Variants in PREX1 observed in about 807,000 individuals in gnomAD.
The protein encoded by PREX1 is phosphatidylinositol-3,4,5-trisphosphate dependent Rac exchange factor 1, also known as phosphatidylinositol 3,4,5-trisphosphate-dependent Rac exchanger 1 protein.
In PREX1, 41 loss-of-function variants were observed where a neutral mutation model predicts 198.3. That is an observed-to-expected ratio of 0.21 (90% CI 0.16 to 0.27). The LOEUF is 0.27. Ranked by LOEUF, PREX1 falls within the 10% of genes least tolerant of loss-of-function variation. The probability of loss-of-function intolerance (pLI) is 1.00; values close to 1 mark genes in which losing one functional copy is unlikely to be tolerated. For synonymous variants in PREX1, 843 were observed against 887.2 expected, an observed-to-expected ratio of 0.95 and a Z score of 0.89; for missense variants, 1,620 against 2,200.7, an observed-to-expected ratio of 0.74 and a Z score of 5.28.
the PREX1 span, among the ~76,000 whole-genome samples, chr20:48,849,970 CT>C: frequency 4.5e-4 from 68 of 152,166 alleles, no homozygotes; most frequent in Non-Finnish European, 7.4e-5. Context: ...CACTGTCATG[CT>C]GTGTGATCTT....
intron 1 of PREX1, among the ~76,000 whole-genome samples, chr20:48,758,531 G>T (rs570997620): frequency 6.6e-6 from 1 of 152,190 alleles, no homozygotes. Flanking sequence ...CACTTCAGCA[G>T]ATGTTCTCCT....
rs561786954 is a variant in PREX1, at chr20:48,826,140, T to A, written c.219+1502A>T. ...GCCCCAGAGGACCCCAGAGTCTCCC[T>A]CTTTCTCCCAAAGACTAGGAGCTAC... On this transcript the variant is annotated intron_variant, in intron 1 of 39. Transcript: ENST00000371941. Among the ~76,000 whole-genome samples the A allele has an allele frequency of 2.6e-5, 4 of 151,800 alleles. No individual in the cohort carries two copies. The South Asian group carries it at 8.3e-4, about 31-fold the overall frequency.
At chr20:48,803,367 C>G (rs553519326) in intron 1 of PREX1, among the ~76,000 whole-genome samples, 2 of 152,140 alleles carry the variant, frequency 1.3e-5, no homozygotes, top group East Asian at 1.9e-4. Context: ...GGAGGGAGAA[C>G]AGGGAGATGA....
intron 10 of PREX1, among the ~76,000 whole-genome samples, chr20:48,687,702 G>A (rs729664): frequency 0.15 from 23,322 of 152,174 alleles, 2,147 homozygotes; most frequent in Middle Eastern, 0.28. Flanking sequence ...TGTCCTCTCC[G>A]GAGTGTCTAG....
chr20:48,839,132 G>A, the PREX1 span, among the ~76,000 whole-genome samples: 1 of 151,746 alleles, frequency 6.6e-6, no homozygotes, highest in Non-Finnish European at 1.5e-5. Context: ...TTCTGCCATG[G>A]ATGTATATGG....
intron 3 of PREX1, among the ~76,000 whole-genome samples, chr20:48,737,824 A>C (rs2090063855): frequency 6.6e-6 from 1 of 152,206 alleles, no homozygotes; most frequent in South Asian, 2.1e-4. Context: ...TCAGCACTGC[A>C]CAGATAAAAG....
the PREX1 span, among the ~76,000 whole-genome samples, chr20:48,860,749 C>T: frequency 6.6e-6 from 1 of 151,250 alleles, no homozygotes; most frequent in African/African-American, 2.4e-5. Context: ...GCAGGAGAGT[C>T]GCTTGAACCC....
At chr20:48,629,399 A>G (rs2089296467) in intron 37 of PREX1, 50 bp downstream of exon 37, 1 of 1,591,822 alleles carries the variant, frequency 6.3e-7, no homozygotes, top group East Asian at 2.2e-5. Flanking sequence ...AACTGACCAG[A>G]AGCTAGGCCA....
chr20:48,684,958 G>C lies in PREX1; in HGVS notation c.1335-3623C>G, dbSNP rs111523462. 1.5e-3 allele frequency among the ~76,000 whole-genome samples: 228 copies of C among 152,326 alleles called. No individual in the cohort carries two copies. The highest frequency in any genetic ancestry group is 4.8e-3 in the African/African-American group (200 of 41,586). On this transcript the variant is annotated intron_variant, in intron 10 of 39. Coordinates refer to ENST00000371941, the MANE Select transcript of PREX1 (RefSeq NM_020820.4). This position sits in a 1 kb window ranked among gnomAD's most constrained non-coding sequence, Gnocchi z 4.2. ...GGCTCTTGCTTGTCTTTCAGATCGTGGTTAAATGTCACTTCCCCTGAGAGG... is the reference window on the plus strand; with the variant it reads ...GGCTCTTGCTTGTCTTTCAGATCGTCGTTAAATGTCACTTCCCCTGAGAGG...
At chr20:48,881,790 T>C in the PREX1 span, among the ~76,000 whole-genome samples, 16 of 152,148 alleles carry the variant, frequency 1.1e-4, no homozygotes, top group African/African-American at 3.6e-4. Context: ...TGGCCTACAA[T>C]TCATCTTTAA....
the PREX1 span, among the ~76,000 whole-genome samples, chr20:48,840,159 C>T: frequency 6.6e-6 from 1 of 152,078 alleles, no homozygotes; most frequent in African/African-American, 2.4e-5. Context: ...TGACTACAGG[C>T]GCTTGCCACC....
the PREX1 span, among the ~76,000 whole-genome samples, chr20:48,874,372 C>T: frequency 3.1e-5 from 4 of 127,920 alleles, no homozygotes; most frequent in Admixed American, 7.8e-5. Flanking sequence ...GAGGGGTGTC[C>T]GTGTGTGTGT....
At chr20:48,824,580 C>A (rs185940381) in intron 1 of PREX1, among the ~76,000 whole-genome samples, 1 of 152,228 alleles carries the variant, frequency 6.6e-6, no homozygotes, top group Non-Finnish European at 1.5e-5. Context: ...CTGCCAGACA[C>A]TGTTCTAAGT....
chr20:48,762,407 C>T (rs1404508996), intron 1 of PREX1, among the ~76,000 whole-genome samples: 1 of 152,136 alleles, frequency 6.6e-6, no homozygotes, highest in Non-Finnish European at 1.5e-5. Context: ...AGCTTCCCTG[C>T]CCTCTACCCT....
chr20:48,752,653 C>T (rs555573044), intron 1 of PREX1, among the ~76,000 whole-genome samples: 73 of 152,272 alleles, frequency 4.8e-4, no homozygotes, highest in African/African-American at 1.6e-3. Context: ...GATTCAGCTC[C>T]GGTGGCCCCC....
Position 48,827,519 on chromosome 20 carries a change from G to GCCCTGCGGGGCGCC in PREX1, c.219+109_219+122dup. ...CTCGGATCCCCCCCGCTTTCCGCGCGCCCTGCGGGGCGCCCCCGAGGCAAT... is the reference window on the plus strand; with the variant it reads ...CTCGGATCCCCCCCGCTTTCCGCGCGCCCTGCGGGGCGCCCCCTGCGGGGCGCCCCCGAGGCAAT... On this transcript the variant is annotated intron_variant, in intron 1 of 39. Transcript: ENST00000371941. This position sits in a 1 kb window ranked among gnomAD's most constrained non-coding sequence, Gnocchi z 4.1. 1.4e-6 allele frequency: 1 copy of GCCCTGCGGGGCGCC among 702,596 alleles called. No homozygotes were observed. Among genetic ancestry groups the GCCCTGCGGGGCGCC allele is most frequent in the Non-Finnish European group, 1.9e-6 (1 of 513,488 alleles). 43.5% of individuals were successfully genotyped at this position (702,596 alleles called of 1,614,324 possible).
At chr20:48,692,646 T>G (rs1568826968) in intron 8 of PREX1, 26 bp downstream of exon 8, 1 of 1,587,324 alleles carries the variant, frequency 6.3e-7, no homozygotes, top group East Asian at 2.2e-5. Flanking sequence ...CAGGCAGGGC[T>G]CAGGCAAGGC....
chr20:48,627,581 C>T lies in PREX1; in HGVS notation c.4904G>A (p.Arg1635Gln), dbSNP rs945222268. The T allele has an allele frequency of 9.3e-6, 15 of 1,613,368 alleles. No homozygotes were observed. The highest frequency in any genetic ancestry group is 3.3e-4 in the Middle Eastern group (2 of 6,078). ...ACCCTGGGGCATCTGGTCCTTGACT[C>T]GCAGGTTTTTGGCCAGAATCTCCAC... ...PRVEILAKNL[R>Q]VKDQMPQGAP... Residue 1635 changes from arginine to glutamine, a missense_variant, in exon 39 of 40, where the codon CGA (arginine) becomes CAA (glutamine). Coordinates refer to ENST00000371941, the MANE Select transcript of PREX1 (RefSeq NM_020820.4).
intron 14 of PREX1, among the ~76,000 whole-genome samples, chr20:48,673,395 C>A (rs1239072689): frequency 6.6e-6 from 1 of 152,250 alleles, no homozygotes; most frequent in African/African-American, 2.4e-5. Context: ...GACCCGACGT[C>A]CTGTTGTCTC....
Sources: allele counts gnomAD v4.1 joint callset (sites outside exome capture counted in the v4.1 genomes callset), GRCh38; gene constraint gnomAD v4.1.1; non-coding constraint Gnocchi (gnomAD v3.1); transcripts MANE v1.5; gene names NCBI Gene and HGNC (gene_info 2026-07-23, HGNC 2026-07-21).